PCSK2: variants seen among roughly 807,000 people sequenced by gnomAD.
The protein encoded by PCSK2 is neuroendocrine convertase 2.
Under a neutral mutation model 69.7 loss-of-function variants are expected in PCSK2, and 14 were observed. That is an observed-to-expected ratio of 0.20 (90% CI 0.13 to 0.31). The LOEUF (loss-of-function observed/expected upper bound fraction) is 0.31, where lower values mean the gene tolerates loss of function less well. Among genes scored for constraint, PCSK2 ranks in the 10% least tolerant of loss-of-function variants. PCSK2 has a pLI of 1.00. For synonymous variants in PCSK2, 307 were observed against 320.7 expected (o/e 0.96, Z 0.46); for missense variants, 544 against 842.5 (o/e 0.65, Z 4.39).
intron 2 of PCSK2, among the ~76,000 whole-genome samples, chr20:17,265,598 T>C (rs551551120): frequency 1.4e-4 from 21 of 152,322 alleles, no homozygotes; most frequent in Non-Finnish European, 2.5e-4. Context: ...CTTTTTATTC[T>C]ACAGGGCATT....
intron 5 of PCSK2, among the ~76,000 whole-genome samples, chr20:17,401,443 C>A (rs921433571): frequency 9.2e-5 from 14 of 152,150 alleles, no homozygotes; most frequent in African/African-American, 3.4e-4. Context: ...TAATCCCGTT[C>A]ATGAGGGCTC....
At chr20:17,383,368 G>C (rs1244749453) in intron 5 of PCSK2, among the ~76,000 whole-genome samples, 2 of 152,190 alleles carry the variant, frequency 1.3e-5, no homozygotes, top group African/African-American at 4.8e-5. Flanking sequence ...GAACACTTCA[G>C]TACTTCTTTA....
rs1166506293 is a variant in PCSK2, at chr20:17,482,910, A to G, written c.*840A>G. ...TACCCAAAAGAGAAAAAAAATTAAG[A>G]CAAGCCTGGCAACACACCTGGTGAA... On this transcript the variant is annotated 3_prime_UTR_variant, in exon 12 of 12. Coordinates refer to ENST00000262545, the MANE Select transcript of PCSK2 (RefSeq NM_002594.5). 6 of 152,180 alleles carry G rather than the reference A, an allele frequency of 3.9e-5. No individual in the cohort carries two copies. Among genetic ancestry groups the G allele is most frequent in the Non-Finnish European group, 7.4e-5 (5 of 68,026 alleles). 9.4% of individuals were successfully genotyped at this position (152,180 alleles called of 1,614,324 possible).
At chr20:17,333,185 A>G (rs1034173272) in intron 2 of PCSK2, among the ~76,000 whole-genome samples, 3 of 152,204 alleles carry the variant, frequency 2.0e-5, no homozygotes, top group South Asian at 2.1e-4. Flanking sequence ...AACAGTTCAG[A>G]AAAAAATGAT....
chr20:17,341,432 C>A (rs1467365591), intron 2 of PCSK2, among the ~76,000 whole-genome samples: 8 of 152,186 alleles, frequency 5.3e-5, no homozygotes, highest in Non-Finnish European at 1.2e-4. Flanking sequence ...CCCCCAGTAT[C>A]TACCTCCTTT....
At chr20:17,363,204 A>G (rs2030462325) in intron 4 of PCSK2, among the ~76,000 whole-genome samples, 1 of 152,226 alleles carries the variant, frequency 6.6e-6, no homozygotes, top group African/African-American at 2.4e-5. Context: ...AAATTTGTGG[A>G]CAGCCAGTTT....
intron 2 of PCSK2, among the ~76,000 whole-genome samples, chr20:17,343,921 A>C (rs942245709): frequency 1.6e-4 from 24 of 152,180 alleles, no homozygotes; most frequent in African/African-American, 5.5e-4. Context: ...TAGACCTCTG[A>C]TTCCTAGAAC....
chr20:17,323,876 T>A (rs1024315659), intron 2 of PCSK2, among the ~76,000 whole-genome samples: 73 of 152,336 alleles, frequency 4.8e-4, no homozygotes, highest in African/African-American at 1.5e-3. Flanking sequence ...AGAGATTCTG[T>A]GATTTCCAAC....
chr20:17,263,636 T>C (rs549451114), intron 2 of PCSK2, among the ~76,000 whole-genome samples: 1 of 152,324 alleles, frequency 6.6e-6, no homozygotes, highest in African/African-American at 2.4e-5. Flanking sequence ...TACTATATAG[T>C]CTTCTCCCTA....
At chr20:17,354,696 C>T (rs1372704857) in intron 2 of PCSK2, among the ~76,000 whole-genome samples, 1 of 152,052 alleles carries the variant, frequency 6.6e-6, no homozygotes, top group African/African-American at 2.4e-5. Flanking sequence ...TTTAATTTTA[C>T]TTAAATTTTA....
intron 7 of PCSK2, among the ~76,000 whole-genome samples, chr20:17,430,400 T>G (rs762187306): frequency 3.9e-5 from 6 of 152,244 alleles, no homozygotes; most frequent in Admixed American, 6.5e-5. Context: ...TGTTTACAAC[T>G]GTCCTGATAT....
At chr20:17,323,828 C>G (rs1989952470) in intron 2 of PCSK2, among the ~76,000 whole-genome samples, 1 of 152,176 alleles carries the variant, frequency 6.6e-6, no homozygotes, top group African/African-American at 2.4e-5. Context: ...ACTCTTGTGT[C>G]CCACCCACTG....
At chr20:17,466,617 C>G (rs1456630412) in intron 11 of PCSK2, among the ~76,000 whole-genome samples, 1 of 152,194 alleles carries the variant, frequency 6.6e-6, no homozygotes, top group Admixed American at 6.5e-5. Flanking sequence ...TTCTCTCTGT[C>G]CTCCTTGATG....
chr20:17,236,426 A>T (rs1986340879), intron 1 of PCSK2, among the ~76,000 whole-genome samples: 1 of 152,118 alleles, frequency 6.6e-6, no homozygotes, highest in Non-Finnish European at 1.5e-5. Flanking sequence ...TACTTATTTA[A>T]TTACATAATT....
At position 17,303,426 on chromosome 20, in the gene PCSK2, T is replaced by C. The variant is rs1162362015; in HGVS notation, c.282+43082T>C. On this transcript the variant is annotated intron_variant, in intron 2 of 11. Coordinates refer to ENST00000262545, the MANE Select transcript of PCSK2 (RefSeq NM_002594.5). ...GTAATATATATGTATGGTTATATAT[T>C]TTTAATATATAATATAATATATATT... Among the ~76,000 whole-genome samples the C allele has an allele frequency of 3.3e-5, 3 of 92,086 alleles. 1 individual carries two copies. Among genetic ancestry groups the C allele is most frequent in the African/African-American group, 1.2e-4 (3 of 24,202 alleles). The allele number at this position is 92,086 out of a possible 152,430, so 60.4% of individuals were successfully genotyped here.
intron 5 of PCSK2, among the ~76,000 whole-genome samples, chr20:17,396,532 T>A (rs1417266426): frequency 6.6e-6 from 1 of 152,168 alleles, no homozygotes; most frequent in Non-Finnish European, 1.5e-5. Context: ...CACATCATCC[T>A]CTCATGACAT....
intron 5 of PCSK2, among the ~76,000 whole-genome samples, chr20:17,401,332 G>A (rs1247042969): frequency 6.6e-6 from 1 of 152,152 alleles, no homozygotes; most frequent in Non-Finnish European, 1.5e-5. Flanking sequence ...CAGATGTGGT[G>A]TCTGGTGAAG....
At chr20:17,261,890 G>A (rs769804096) in intron 2 of PCSK2, among the ~76,000 whole-genome samples, 5 of 152,154 alleles carry the variant, frequency 3.3e-5, no homozygotes, top group Admixed American at 6.5e-5. Context: ...CTTCTTCCAC[G>A]ATTAAAGGCG....
intron 5 of PCSK2, among the ~76,000 whole-genome samples, chr20:17,403,290 A>G (rs1178840831): frequency 1.3e-5 from 2 of 152,258 alleles, no homozygotes; most frequent in African/African-American, 4.8e-5. Flanking sequence ...TAAGTTTTAC[A>G]GCCAGATTTA....
Sources: allele counts gnomAD v4.1 joint callset (sites outside exome capture counted in the v4.1 genomes callset), GRCh38; gene constraint gnomAD v4.1.1; transcripts MANE v1.5; gene names NCBI Gene and HGNC (gene_info 2026-07-23, HGNC 2026-07-21).